RHOU: variants seen among roughly 807,000 people sequenced by gnomAD.
RHOU encodes the protein rho-related GTP-binding protein RhoU.
RHOU carries 8 observed loss-of-function variants against 12.6 expected under a neutral mutation model. The ratio of observed to expected loss-of-function variants is 0.64; its 90% CI spans 0.37 to 1.15. The LOEUF (loss-of-function observed/expected upper bound fraction) is 1.15. Among genes scored for constraint, RHOU ranks in the 50% most tolerant of loss-of-function variants. The pLI, the probability that RHOU is intolerant of heterozygous loss-of-function variation, is 0.01. For missense variants in RHOU, 258 were observed against 347.0 expected (o/e 0.74, Z 2.04); for synonymous variants, 161 against 147.4 (o/e 1.09, Z -0.67).
At chr1:228,679,033 G>A in the RHOU span, among the ~76,000 whole-genome samples, 1 of 144,514 alleles carries the variant, frequency 6.9e-6, no homozygotes, top group African/African-American at 2.6e-5. Context: ...GATGAGTTAG[G>A]GAGAACTAGT....
the RHOU span, among the ~76,000 whole-genome samples, chr1:228,698,569 C>A: frequency 6.6e-6 from 1 of 152,154 alleles, no homozygotes; most frequent in African/African-American, 2.4e-5. Flanking sequence ...ATCTATTATA[C>A]AGCCTTGTAG....
chr1:228,677,598 C>T, the RHOU span, among the ~76,000 whole-genome samples: 9 of 152,018 alleles, frequency 5.9e-5, no homozygotes, highest in Non-Finnish European at 8.8e-5. Context: ...GGATTAGAAA[C>T]GGCTAGGAGA....
chr1:228,669,537 G>A, the RHOU span, among the ~76,000 whole-genome samples: 1 of 152,218 alleles, frequency 6.6e-6, no homozygotes, highest in South Asian at 2.1e-4. Flanking sequence ...TATAACTGAA[G>A]GACTGAGGTA....
chr1:228,707,405 T>C, the RHOU span, among the ~76,000 whole-genome samples: 2 of 150,158 alleles, frequency 1.3e-5, no homozygotes, highest in Non-Finnish European at 3.0e-5. Context: ...GATTTCTGCA[T>C]TTCCATCTGA....
chr1:228,653,244 G>C, the RHOU span, among the ~76,000 whole-genome samples: 1 of 152,164 alleles, frequency 6.6e-6, no homozygotes, highest in Non-Finnish European at 1.5e-5. Context: ...TGCCCCCTGG[G>C]AGGGGGAATC....
At chr1:228,717,194 G>A in the RHOU span, among the ~76,000 whole-genome samples, 1 of 152,162 alleles carries the variant, frequency 6.6e-6, no homozygotes, top group African/African-American at 2.4e-5. Flanking sequence ...AAGAATTTGA[G>A]ATCTTTCAAA....
chr1:228,688,921 A>C, the RHOU span, among the ~76,000 whole-genome samples: 37,889 of 152,082 alleles, frequency 0.25, 7,895 homozygotes, highest in African/African-American at 0.58. Context: ...AGAGAAACAA[A>C]TATAAAGCTA....
the RHOU span, chr1:228,650,232 G>C: frequency 1.7e-5 from 8 of 457,344 alleles, no homozygotes; most frequent in African/African-American, 6.0e-5. Context: ...TTGGGCACCT[G>C]TGGAGTACGT....
chr1:228,735,831 G>T lies in RHOU; in HGVS notation c.89G>T (p.Gly30Val). The change falls in exon 1 of 3, where the codon GGA becomes GTA. Residue 30 changes from glycine to valine, a missense_variant. Physicochemically the swap from Gly to Val is moderately radical, Grantham distance 109. Transcript: ENST00000366691. The surrounding 1 kb of genome is among the most constrained non-coding windows in gnomAD (Gnocchi z 8.1). ...CGTCGGGAGCGCGGTGGACGCGGGG[G>T]ACGCGGGCCTGGGGAGCCGGGGGGC... ...PPRRERGGRG[G>V]RGPGEPGGRG... 1 of 1,234,004 alleles carries T rather than the reference G, an allele frequency of 8.1e-7. No homozygotes were observed. The highest frequency in any genetic ancestry group is 1.0e-6 in the Non-Finnish European group (1 of 990,002). 76.4% of individuals were successfully genotyped at this position (1,234,004 alleles called of 1,614,324 possible). A position where few individuals can be genotyped will look rare whatever the true frequency, so the allele number is the denominator to read the frequency against.
At chr1:228,676,387 C>A in the RHOU span, among the ~76,000 whole-genome samples, 1 of 152,108 alleles carries the variant, frequency 6.6e-6, no homozygotes, top group Non-Finnish European at 1.5e-5. Context: ...CATGGTGGCT[C>A]ATACCTGTAA....
Position 228,738,035 on chromosome 1 carries a change from T to C in RHOU, c.321+304T>C, listed in dbSNP as rs1370139988. Among the ~76,000 whole-genome samples, 1 of 152,230 alleles carries C rather than the reference T, an allele frequency of 6.6e-6. No individual in the cohort carries two copies. Among genetic ancestry groups the C allele is most frequent in the Non-Finnish European group, 1.5e-5 (1 of 68,040 alleles). On this transcript the variant is annotated intron_variant, in intron 2 of 2. Coordinates refer to ENST00000366691, the MANE Select transcript of RHOU (RefSeq NM_021205.6). This position sits in a 1 kb window ranked among gnomAD's most constrained non-coding sequence, Gnocchi z 4.2. ...TTTCTATTACTTACTCCCTGGTTTT[T>C]ATGAAAAAATTTCAGTGATGCTTTG... is the stretch of plus-strand genomic sequence containing the variant.
the RHOU span, among the ~76,000 whole-genome samples, chr1:228,674,261 T>C: frequency 6.6e-6 from 1 of 152,222 alleles, no homozygotes; most frequent in Admixed American, 6.5e-5. Context: ...CATTCTCTTG[T>C]CATTTAGTTC....
At chr1:228,723,550 G>T in the RHOU span, among the ~76,000 whole-genome samples, 6 of 152,348 alleles carry the variant, frequency 3.9e-5, no homozygotes, top group South Asian at 1.2e-3. Context: ...GGGCAAGGAG[G>T]CTGTGGGAAT....
chr1:228,727,747 G>T, the RHOU span, among the ~76,000 whole-genome samples: 1 of 152,186 alleles, frequency 6.6e-6, no homozygotes, highest in African/African-American at 2.4e-5. Flanking sequence ...GAGGGAAGTA[G>T]GATAGTCTCA....
chr1:228,674,731 A>T, the RHOU span, among the ~76,000 whole-genome samples: 41 of 149,446 alleles, frequency 2.7e-4, no homozygotes, highest in East Asian at 5.4e-3. Flanking sequence ...TCTTTTTTTT[A>T]AATTTTTTTT....
the RHOU span, among the ~76,000 whole-genome samples, chr1:228,687,986 CCTTCCTTCCTTT>C: frequency 2.7e-5 from 4 of 150,650 alleles, no homozygotes; most frequent in East Asian, 5.8e-4. Context: ...TCCCTCCCTC[CCTTCCTTCCTTT>C]CTTCCTTCCT....
At chr1:228,723,408 T>A in the RHOU span, among the ~76,000 whole-genome samples, 14,707 of 152,236 alleles carry the variant, frequency 0.097, 776 homozygotes, top group Middle Eastern at 0.22. Flanking sequence ...ACCCGGCATG[T>A]CATTCACGCA....
At chr1:228,666,666 T>C in the RHOU span, among the ~76,000 whole-genome samples, 6 of 152,296 alleles carry the variant, frequency 3.9e-5, no homozygotes, top group Admixed American at 1.3e-4. Flanking sequence ...GCAGGGAATG[T>C]GCACCCCTGT....
chr1:228,726,620 G>A, the RHOU span, among the ~76,000 whole-genome samples: 8 of 150,290 alleles, frequency 5.3e-5, no homozygotes, highest in African/African-American at 1.2e-4. Context: ...AGCTGAGATC[G>A]TGCCACTGCA....
Sources: allele counts gnomAD v4.1 joint callset (sites outside exome capture counted in the v4.1 genomes callset), GRCh38; gene constraint gnomAD v4.1.1; non-coding constraint Gnocchi (gnomAD v3.1); transcripts MANE v1.5; gene names NCBI Gene and HGNC (gene_info 2026-07-23, HGNC 2026-07-21).